Variants in OR8J1 observed in about 807,000 individuals in gnomAD.
OR8J1 encodes the protein olfactory receptor family 8 subfamily J member 1.
For missense variants in OR8J1, 400 were observed against 373.0 expected (o/e 1.07, Z -0.60); for synonymous variants, 157 against 144.3 (o/e 1.09, Z -0.63).
chr11:56,360,931 T>C lies in OR8J1; in HGVS notation c.685T>C (p.Cys229Arg), dbSNP rs760767327. The change falls in exon 2 of 2, where the codon TGT becomes CGT. Residue 229 changes from cysteine (C) to arginine (R), a missense_variant. Coordinates refer to ENST00000533152, the MANE Select transcript of OR8J1 (RefSeq NM_001005205.3). ...FNIVLSILKI[C>R]SSEGRKKAFS... is the part of the protein sequence containing the mutation. ...TATTGTTTTGTCTATTTTAAAAATA[T>C]GTTCATCAGAAGGAAGGAAAAAAGC... 2 of 1,483,424 alleles carry C rather than the reference T, an allele frequency of 1.3e-6. No individual in the cohort carries two copies. Among genetic ancestry groups the C allele is most frequent in the East Asian group, 2.4e-5 (1 of 41,556 alleles). The allele number at this position is 1,483,424 out of a possible 1,614,324, so 91.9% of individuals were successfully genotyped here. A position where few individuals can be genotyped will look rare whatever the true frequency, so the allele number is the denominator to read the frequency against.
chr11:56,357,365 G>GAT (rs1418184397), intron 1 of OR8J1: 26 of 720,422 alleles, frequency 3.6e-5, no homozygotes, highest in Non-Finnish European at 5.7e-5. Flanking sequence ...TACTTTAAGA[G>GAT]ATATACCAAG....
At chr11:56,354,966 G>T (rs1282976542) in intron 1 of OR8J1, among the ~76,000 whole-genome samples, 29 of 152,048 alleles carry the variant, frequency 1.9e-4, no homozygotes, top group Non-Finnish European at 1.5e-5. Flanking sequence ...ACTTCAATTT[G>T]CAGGAAGACA....
intron 1 of OR8J1, chr11:56,357,647 G>A (rs61745317): frequency 2.0e-6 from 3 of 1,508,420 alleles, no homozygotes; most frequent in South Asian, 2.2e-5. Context: ...TGGCCTGCAG[G>A]CTTCTCAATA....
rs75203182 is a variant in OR8J1 at position 56,355,717 on chromosome 11, C to T, written c.-21+1392C>T. On this transcript the variant is annotated intron_variant, in intron 1 of 1. Transcript: ENST00000533152. ...TCAAAAAAACAAACAAACAAAAGCTCATCTATCTTTCTACGCTCTCAATTC... is the reference window on the plus strand; with the variant it reads ...TCAAAAAAACAAACAAACAAAAGCTTATCTATCTTTCTACGCTCTCAATTC... Among the ~76,000 whole-genome samples the T allele has an allele frequency of 6.2e-3, 942 of 152,210 alleles. 10 individuals are homozygous for T. Among genetic ancestry groups the T allele is most frequent in the African/African-American group, 0.022 (915 of 41,560 alleles).
chr11:56,357,157 T>C (rs1854978885), intron 1 of OR8J1, among the ~76,000 whole-genome samples: 1 of 152,160 alleles, frequency 6.6e-6, no homozygotes, highest in Admixed American at 6.6e-5. Flanking sequence ...CTGCCCTGCC[T>C]CGAGCTTTTT....
Position 56,360,650 on chromosome 11 carries a change from T to C in OR8J1, c.404T>C (p.Val135Ala), listed in dbSNP as rs1167618033. The change falls in exon 2 of 2, where the codon GTG (valine) becomes GCG (alanine). Residue 135 changes from valine (V) to alanine (A), a missense_variant. Val to Ala is a moderately conservative substitution (Grantham distance 64). Coordinates refer to ENST00000533152, the MANE Select transcript of OR8J1 (RefSeq NM_001005205.3). ...TGTAACCCTCTGCTGTACATGGTGG[T>C]GGTGTCTCGGCGGCTCTGCCTCCTG... Reference protein sequence around the residue: ...AICNPLLYMVVVSRRLCLLLV... With the variant: ...AICNPLLYMVAVSRRLCLLLV... 6.2e-7 allele frequency: 1 copy of C among 1,611,892 alleles called. No individual in the cohort carries two copies. The highest frequency in any genetic ancestry group is 8.5e-7 in the Non-Finnish European group (1 of 1,179,172).
chr11:56,359,823 A>C (rs1852608763), intron 1 of OR8J1, among the ~76,000 whole-genome samples: 1 of 152,170 alleles, frequency 6.6e-6, no homozygotes, highest in Non-Finnish European at 1.5e-5. Context: ...TCCTAAGAAA[A>C]AGCAAGAAGT....
chr11:56,356,399 C>T (rs1000027116), intron 1 of OR8J1, among the ~76,000 whole-genome samples: 2 of 152,036 alleles, frequency 1.3e-5, no homozygotes, highest in Non-Finnish European at 2.9e-5. Context: ...AGTACAGCAC[C>T]AGGTTTCAGC....
At chr11:56,358,856 TAAG>T (rs1852597361) in intron 1 of OR8J1, among the ~76,000 whole-genome samples, 1 of 152,082 alleles carries the variant, frequency 6.6e-6, no homozygotes, top group African/African-American at 2.4e-5. Flanking sequence ...AATAAATAAA[TAAG>T]AAGATTATTT....
At chr11:56,357,633 C>G in intron 1 of OR8J1, 1 of 1,435,640 alleles carries the variant, frequency 7.0e-7, no homozygotes. Context: ...TACTTGCCTG[C>G]TGCTGGCCTG....
At chr11:56,356,130 G>T (rs1284184395) in intron 1 of OR8J1, among the ~76,000 whole-genome samples, 1 of 152,096 alleles carries the variant, frequency 6.6e-6, no homozygotes, top group Non-Finnish European at 1.5e-5. Context: ...TTAATGACTG[G>T]CATTCTTGCC....
At chr11:56,358,762 A>G (rs1852595895) in intron 1 of OR8J1, among the ~76,000 whole-genome samples, 1 of 152,046 alleles carries the variant, frequency 6.6e-6, no homozygotes, top group South Asian at 2.1e-4. Context: ...CTTTCATTGG[A>G]ATAGTAGGTC....
chr11:56,359,133 A>G (rs1477533653), intron 1 of OR8J1, among the ~76,000 whole-genome samples: 1 of 152,110 alleles, frequency 6.6e-6, no homozygotes, highest in Non-Finnish European at 1.5e-5. Flanking sequence ...CTATGACAGG[A>G]TTTCTTTGGG....
intron 1 of OR8J1, chr11:56,358,347 C>G (rs1165846784): frequency 2.5e-5 from 4 of 162,376 alleles, no homozygotes; most frequent in Non-Finnish European, 5.4e-5. Context: ...TTATTATAAT[C>G]TATTCACACT....
At position 56,360,291 on chromosome 11, in the gene OR8J1, A is replaced by G. The variant is rs763204447; in HGVS notation, c.45A>G (p.Thr15=). The G allele has an allele frequency of 6.3e-7, 1 of 1,599,614 alleles. No homozygotes were observed. The change falls in exon 2 of 2, where the codon ACA becomes ACG. Residue 15 remains threonine (T), a synonymous_variant. Coordinates refer to ENST00000533152, the MANE Select transcript of OR8J1 (RefSeq NM_001005205.3). ...CCAGAGTCACTGAGTTTATTCTTAC[A>G]GGTGTCTCTAGCTGTCCAGAGCTCC... ...NFTRVTEFIL[T]GVSSCPELQI...
At position 56,360,835 on chromosome 11, in the gene OR8J1, A is replaced by G; in HGVS notation, c.589A>G (p.Thr197Ala). ...LSCSDTYLPETVVFISAATNV... is the reference protein window; with the variant it reads ...LSCSDTYLPEAVVFISAATNV... ...TTGCTCTGATACTTACTTACCAGAA[A>G]CAGTTGTCTTTATATCTGCAGCAAC... The change falls in exon 2 of 2, where the codon ACA (threonine) becomes GCA (alanine). Residue 197 changes from threonine (T) to alanine (A), a missense_variant. Coordinates refer to ENST00000533152, the MANE Select transcript of OR8J1 (RefSeq NM_001005205.3). 1 of 1,525,034 alleles carries G rather than the reference A, an allele frequency of 6.6e-7. No individual in the cohort carries two copies. Among genetic ancestry groups the G allele is most frequent in the Non-Finnish European group, 8.8e-7 (1 of 1,142,812 alleles). The allele number at this position is 1,525,034 out of a possible 1,614,324, so 94.5% of individuals were successfully genotyped here. A position where few individuals can be genotyped will look rare whatever the true frequency, so the allele number is the denominator to read the frequency against.
At chr11:56,357,928 A>G in intron 1 of OR8J1, 1 of 833,856 alleles carries the variant, frequency 1.2e-6, no homozygotes, top group South Asian at 1.4e-5. Context: ...ATCATGGGCC[A>G]GAATGTTGCA....
In OR8J1 at chr11:56,360,656, C is replaced by T; in HGVS notation, c.410C>T (p.Ser137Phe). The change falls in exon 2 of 2, where the codon TCT (serine) becomes TTT (phenylalanine). Residue 137 changes from serine to phenylalanine, a missense_variant. Coordinates refer to ENST00000533152, the MANE Select transcript of OR8J1 (RefSeq NM_001005205.3). ...CNPLLYMVVV[S>F]RRLCLLLVSL... ...CCTCTGCTGTACATGGTGGTGGTGTCTCGGCGGCTCTGCCTCCTGCTGGTC... is the reference window on the plus strand; with the variant it reads ...CCTCTGCTGTACATGGTGGTGGTGTTTCGGCGGCTCTGCCTCCTGCTGGTC... 2 of 1,611,370 alleles carry T rather than the reference C, an allele frequency of 1.2e-6. No homozygotes were observed. The highest frequency in any genetic ancestry group is 1.7e-5 in the Admixed American group (1 of 59,422).
In OR8J1 at chr11:56,361,437, TAGAC is replaced by T. The variant is rs1277291686; in HGVS notation, c.*243_*246del. The T allele has an allele frequency of 2.7e-6, 1 of 372,738 alleles. No homozygotes were observed. Among genetic ancestry groups the T allele is most frequent in the Admixed American group, 4.5e-5 (1 of 22,028 alleles). 23.1% of individuals were successfully genotyped at this position (372,738 alleles called of 1,614,324 possible). On this transcript the variant is annotated 3_prime_UTR_variant, in exon 2 of 2. Transcript: ENST00000533152. Reference sequence around the variant, plus strand: ...CCAATTCTGCCTGGGATTAAGCAGGTAGACAGTTTGAAATAAAAATGGTTTCCAG... The same window carrying T: ...CCAATTCTGCCTGGGATTAAGCAGGTAGTTTGAAATAAAAATGGTTTCCAG...
Sources: gnomAD v4.1 joint callset for allele counts (sites outside exome capture counted in the v4.1 genomes callset) on GRCh38, gnomAD v4.1.1 for gene constraint, MANE v1.5 for transcripts, NCBI Gene and HGNC (gene_info 2026-07-23, HGNC 2026-07-21) for gene names.